The following LRTM2 variants were observed in gnomAD, a reference collection of about 807,000 sequenced individuals.
LRTM2 encodes leucine-rich repeat and transmembrane domain-containing protein 2.
Under a neutral mutation model 28.1 loss-of-function variants are expected in LRTM2, and 18 were observed. The observed-to-expected ratio is 0.64, with a 90% CI of 0.44 to 0.95. The LOEUF (loss-of-function observed/expected upper bound fraction) is 0.95. Among genes scored for constraint, LRTM2 ranks in the 40% least tolerant of loss-of-function variants. The probability of loss-of-function intolerance (pLI) is 0.00; values close to 1 mark genes in which losing one functional copy is unlikely to be tolerated. For missense variants in LRTM2, 436 were observed against 497.2 expected, an observed-to-expected ratio of 0.88 and a Z score of 1.17; for synonymous variants, 250 against 218.7, an observed-to-expected ratio of 1.14 and a Z score of -1.26.
chr12:1,827,260 C>CCAGTT (rs1565690934), intron 1 of LRTM2, 150 bp from the exon 2 acceptor site: 1 of 143,114 alleles, frequency 7.0e-6, no homozygotes, highest in Non-Finnish European at 1.5e-5. Flanking sequence ...AGCCTGTGTC[C>CCAGTT]CAGTTGGGAG....
rs1432221126 is a variant in LRTM2 at position 1,827,565 on chromosome 12, G to A, written c.-103G>A. ...CACCCTACGCGGCTGCAGCTGCCAA[G>A]GGCCTGGCCCCTGCCTCCCTCGGGC... is the stretch of plus-strand genomic sequence containing the variant. On this transcript the variant is annotated 5_prime_UTR_variant, in exon 2 of 5. Transcript: ENST00000299194. 1 of 152,996 alleles carries A rather than the reference G, an allele frequency of 6.5e-6. No homozygotes were observed. Among genetic ancestry groups the A allele is most frequent in the Non-Finnish European group, 1.5e-5 (1 of 68,286 alleles). 9.5% of individuals were successfully genotyped at this position (152,996 alleles called of 1,614,324 possible).
chr12:1,831,531 C>A lies in LRTM2; in HGVS notation c.658+6C>A, dbSNP rs369654268. On this transcript the variant is annotated splice_donor_region_variant and intron_variant, in intron 4 of 4. Coordinates refer to ENST00000299194, the MANE Select transcript of LRTM2 (RefSeq NM_001039029.3). ...GGAGTGGTTCTCCTACCGAGGTGAG[C>A]GCAGCCGGCCCTGCTGGGGCCCGAG... is the stretch of plus-strand genomic sequence containing the variant. 8.7e-6 allele frequency: 14 copies of A among 1,607,046 alleles called. No homozygotes were observed. In the Admixed American group the frequency reaches 2.3e-4, roughly 27 times the overall value.
Position 1,830,938 on chromosome 12 carries a change from T to C in LRTM2, c.71T>C (p.Ile24Thr). The change falls in exon 4 of 5, where the codon ATC (isoleucine) becomes ACC (threonine). Residue 24 changes from isoleucine to threonine, a missense_variant. Transcript: ENST00000299194. The stretch of plus-strand genomic sequence containing the variant: ...CCCGTCTGTCCCTCCCACCAAGGGA[T>C]CACCTGCTGGATCGCCCTGTATGCT... ...LALQWRQVSW[I>T]TCWIALYAVE... 9 of 1,594,848 alleles carry C rather than the reference T, an allele frequency of 5.6e-6. No homozygotes were observed. The highest frequency in any genetic ancestry group is 7.7e-6 in the Non-Finnish European group (9 of 1,165,902).
intron 1 of LRTM2, chr12:1,822,191 ACAGAAGCTTGTCTGGGCC>A (rs1256013927): frequency 6.6e-6 from 1 of 152,088 alleles, no homozygotes; most frequent in Non-Finnish European, 1.5e-5. Flanking sequence ...TTGGGGTTTG[ACAGAAGCTTGTCTGGGCC>A]CACGAGGAGC....
At chr12:1,823,506 C>T (rs1328938912) in intron 1 of LRTM2, among the ~76,000 whole-genome samples, 1 of 152,122 alleles carries the variant, frequency 6.6e-6, no homozygotes, top group Non-Finnish European at 1.5e-5. Flanking sequence ...CTACAGCCCA[C>T]TCAGCTCCGC....
intron 1 of LRTM2, among the ~76,000 whole-genome samples, chr12:1,822,381 G>A (rs1864140358): frequency 6.6e-6 from 1 of 152,130 alleles, no homozygotes; most frequent in South Asian, 2.1e-4. Flanking sequence ...AGCCAGCATA[G>A]AGGCTGTCTG....
At chr12:1,831,874 T>C (rs529017139) in intron 4 of LRTM2, among the ~76,000 whole-genome samples, 137 of 152,244 alleles carry the variant, frequency 9.0e-4, no homozygotes, top group South Asian at 6.4e-3. Context: ...CTGGGCTTTG[T>C]ATCCCGCCAA....
At position 1,828,247 on chromosome 12, in the gene LRTM2, C is replaced by T. The variant is rs371518396; in HGVS notation, c.67+32C>T. On this transcript the variant is annotated intron_variant, in intron 3 of 4. Transcript: ENST00000299194. This position sits in a 1 kb window ranked among gnomAD's most constrained non-coding sequence, Gnocchi z 4.2. The stretch of plus-strand genomic sequence containing the variant: ...ACACCCCTGGCCTCGGAGGGGGGTG[C>T]GGGTTGGGTGGGGGTGCCGAGGTGA... The T allele has an allele frequency of 4.8e-4, 629 of 1,315,192 alleles. 1 individual carries two copies. The highest frequency in any genetic ancestry group is 6.1e-4 in the Non-Finnish European group (584 of 954,608). The allele number at this position is 1,315,192 out of a possible 1,614,324, so 81.5% of individuals were successfully genotyped here.
rs550882227 is a variant in LRTM2, at chr12:1,831,269, C to A, written c.402C>A (p.Asp134Glu). The A allele has an allele frequency of 1.9e-6, 3 of 1,613,778 alleles. No individual in the cohort carries two copies. In the East Asian group the frequency reaches 6.7e-5, roughly 36 times the overall value. The change falls in exon 4 of 5, where the codon GAC becomes GAA. Residue 134 changes from aspartate to glutamate, a missense_variant. Physicochemically the swap from Asp to Glu is conservative, Grantham distance 45. Transcript: ENST00000299194. ...RNNSIRTLDR[D>E]LLRHSPLLRH... ...ACAGCATCAGGACCCTGGACAGGGA[C>A]CTGCTGCGGCACTCGCCGCTGCTCC...
Position 1,831,532 on chromosome 12 carries a change from G to T in LRTM2, c.658+7G>T, listed in dbSNP as rs768778260. 1 of 1,607,172 alleles carries T rather than the reference G, an allele frequency of 6.2e-7. No individual in the cohort carries two copies. The highest frequency in any genetic ancestry group is 1.1e-5 in the South Asian group (1 of 90,572). On this transcript the variant is annotated splice_region_variant and intron_variant, in intron 4 of 4. Transcript: ENST00000299194. ...GAGTGGTTCTCCTACCGAGGTGAGC[G>T]CAGCCGGCCCTGCTGGGGCCCGAGG...
intron 3 of LRTM2, 22 bp from the exon 4 acceptor site, chr12:1,830,913 C>G (rs1455636696): frequency 6.4e-7 from 1 of 1,569,992 alleles, no homozygotes; most frequent in Non-Finnish European, 8.7e-7. Flanking sequence ...CTTTCTTTCC[C>G]CCGTCTGTCC....
At chr12:1,822,967 G>A (rs1338000833) in intron 1 of LRTM2, among the ~76,000 whole-genome samples, 1 of 152,222 alleles carries the variant, frequency 6.6e-6, no homozygotes, top group Non-Finnish European at 1.5e-5. Context: ...GCAGGCCCAG[G>A]GTGTGGGCCC....
chr12:1,828,785 A>G lies in LRTM2; in HGVS notation c.67+570A>G, dbSNP rs1161010067. On this transcript the variant is annotated intron_variant, in intron 3 of 4. Coordinates refer to ENST00000299194, the MANE Select transcript of LRTM2 (RefSeq NM_001039029.3). This position sits in a 1 kb window ranked among gnomAD's most constrained non-coding sequence, Gnocchi z 4.2. ...GGGGAGTGGGTCCAACCCCTCCTGC[A>G]TATAGGCAGACTGAGCCGTCCATTT... is the stretch of plus-strand genomic sequence containing the variant. Among the ~76,000 whole-genome samples the G allele has an allele frequency of 6.6e-6, 1 of 152,170 alleles. No homozygotes were observed. Among genetic ancestry groups the G allele is most frequent in the Non-Finnish European group, 1.5e-5 (1 of 68,028 alleles).
rs963078751 is a variant in LRTM2 at position 1,826,412 on chromosome 12, C to G, written c.-258-998C>G. Among the ~76,000 whole-genome samples, 64 of 41,704 alleles carry G rather than the reference C, an allele frequency of 1.5e-3. No individual in the cohort carries two copies. In the East Asian group the frequency reaches 0.035, roughly 23 times the overall value. 27.4% of individuals were successfully genotyped at this position (41,704 alleles called of 152,430 possible). ...ATTTGAACCCAGAGCCCCCCCCCCC[C>G]CCCCGCCAACTGGCACCAGGAGCCC... is the stretch of plus-strand genomic sequence containing the variant. On this transcript the variant is annotated intron_variant, in intron 1 of 4. Transcript: ENST00000299194.
chr12:1,828,340 T>A lies in LRTM2; in HGVS notation c.67+125T>A. ...CAGGGAGGCCTACGCCAGATCTTCC[T>A]GGGGTACCCGAGGCTATGTTCTGGG... is the stretch of plus-strand genomic sequence containing the variant. On this transcript the variant is annotated intron_variant, in intron 3 of 4. Coordinates refer to ENST00000299194, the MANE Select transcript of LRTM2 (RefSeq NM_001039029.3). The surrounding 1 kb of genome is among the most constrained non-coding windows in gnomAD (Gnocchi z 4.2). The A allele has an allele frequency of 1.2e-6, 1 of 854,100 alleles. No individual in the cohort carries two copies. The highest frequency in any genetic ancestry group is 1.7e-6 in the Non-Finnish European group (1 of 585,230). The allele number at this position is 854,100 out of a possible 1,614,324, so 52.9% of individuals were successfully genotyped here. A position where few individuals can be genotyped will look rare whatever the true frequency, so the allele number is the denominator to read the frequency against.
In LRTM2 at chr12:1,834,425, A is replaced by C; in HGVS notation, c.817A>C (p.Ser273Arg). 6.2e-7 allele frequency: 1 copy of C among 1,612,936 alleles called. No homozygotes were observed. Among genetic ancestry groups the C allele is most frequent in the Non-Finnish European group, 8.5e-7 (1 of 1,179,992 alleles). Residue 273 changes from serine to arginine, a missense_variant, in exon 5 of 5, where the codon AGT (serine) becomes CGT (arginine). Transcript: ENST00000299194. This position sits in a 1 kb window ranked among gnomAD's most constrained non-coding sequence, Gnocchi z 7.6. ...TCCTGGGCCACCCTGCACCAAGGCC[A>C]GTCCAGAGCCTGCTAAGCCCAAGCC... Reference protein sequence around the residue: ...DIPGPPCTKASPEPAKPKPGA... With the variant: ...DIPGPPCTKARPEPAKPKPGA...
In LRTM2 at chr12:1,834,044, C is replaced by T. The variant is rs149880077; in HGVS notation, c.659-223C>T. ...CAATATCCATTTCACATGGCTTCTGCGAGGATGAAATGGCACGATATACGT... is the reference window on the plus strand; with the variant it reads ...CAATATCCATTTCACATGGCTTCTGTGAGGATGAAATGGCACGATATACGT... On this transcript the variant is annotated intron_variant, in intron 4 of 4. Transcript: ENST00000299194. The surrounding 1 kb of genome is among the most constrained non-coding windows in gnomAD (Gnocchi z 7.6). Among the ~76,000 whole-genome samples, 6 of 152,292 alleles carry T rather than the reference C, an allele frequency of 3.9e-5. No homozygotes were observed. Among genetic ancestry groups the T allele is most frequent in the South Asian group, 2.1e-4 (1 of 4,830 alleles).
chr12:1,824,068 G>A (rs989003723), intron 1 of LRTM2, among the ~76,000 whole-genome samples: 4 of 152,162 alleles, frequency 2.6e-5, no homozygotes, highest in Non-Finnish European at 5.9e-5. Context: ...ACCTCAGAGA[G>A]TTGTTACAAG....
At position 1,831,020 on chromosome 12, in the gene LRTM2, G is replaced by A. The variant is rs2154447119; in HGVS notation, c.153G>A (p.Glu51=). 1 of 1,614,138 alleles carries A rather than the reference G, an allele frequency of 6.2e-7. No homozygotes were observed. Among genetic ancestry groups the A allele is most frequent in the East Asian group, 2.2e-5 (1 of 44,882 alleles). The change falls in exon 4 of 5, where the codon GAG becomes GAA. Residue 51 remains glutamate (E), a synonymous_variant. Coordinates refer to ENST00000299194, the MANE Select transcript of LRTM2 (RefSeq NM_001039029.3). The stretch of plus-strand genomic sequence containing the variant: ...GCAAGTGTGACAGCCGCAGCCTGGA[G>A]GTGGACTGCAGTGGCCTTGGCCTCA... ...FSCKCDSRSL[E]VDCSGLGLTT...
Sources: allele counts gnomAD v4.1 joint callset (sites outside exome capture counted in the v4.1 genomes callset), GRCh38; gene constraint gnomAD v4.1.1; non-coding constraint Gnocchi (gnomAD v3.1); transcripts MANE v1.5; gene names NCBI Gene and HGNC (gene_info 2026-07-23, HGNC 2026-07-21).